Variants in MPP2 observed in about 807,000 individuals in gnomAD.
MPP2 encodes MAGUK p55 subfamily member 2.
A neutral mutation model predicts 58.5 loss-of-function variants in MPP2; 42 were observed. The ratio of observed to expected loss-of-function variants is 0.72; its 90% CI spans 0.56 to 0.93. The LOEUF (loss-of-function observed/expected upper bound fraction) is 0.93. MPP2 is among the 40% of genes least tolerant of loss of function. MPP2 has a pLI of 0.00. For synonymous variants in MPP2, 300 were observed against 307.8 expected (o/e 0.97, Z 0.26); for missense variants, 632 against 760.4 (o/e 0.83, Z 1.99).
At chr17:43,883,171 G>A in intron 4 of MPP2, 32 bp downstream of exon 4, 1 of 1,580,390 alleles carries the variant, frequency 6.3e-7, no homozygotes. Flanking sequence ...CCCACCTCCT[G>A]CTCCCTCACC....
At chr17:43,902,407 G>A (rs1388164529) in intron 2 of MPP2, among the ~76,000 whole-genome samples, 2 of 152,230 alleles carry the variant, frequency 1.3e-5, no homozygotes, top group Non-Finnish European at 2.9e-5. Context: ...CGGCTGGAGA[G>A]GCCATTAAGC....
chr17:43,887,862 T>G (rs1158520772), intron 3 of MPP2, among the ~76,000 whole-genome samples: 1 of 152,050 alleles, frequency 6.6e-6, no homozygotes, highest in African/African-American at 2.4e-5. Context: ...AGAATCCTTT[T>G]CAGTTGAGCC....
chr17:43,881,711 A>G, intron 6 of MPP2, 122 bp from the exon 7 acceptor site: 1 of 1,297,254 alleles, frequency 7.7e-7, no homozygotes, highest in Non-Finnish European at 1.1e-6. Flanking sequence ...CCCCTGCAGG[A>G]GTGATGCCTC....
Position 43,875,580 on chromosome 17 carries a change from C to T in MPP2, c.*2227G>A, listed in dbSNP as rs2046784934. 6.6e-6 allele frequency: 1 copy of T among 152,306 alleles called. No individual in the cohort carries two copies. 9.4% of individuals were successfully genotyped at this position (152,306 alleles called of 1,614,324 possible). On this transcript the variant is annotated 3_prime_UTR_variant, in exon 13 of 13. Coordinates refer to ENST00000269095, the MANE Select transcript of MPP2 (RefSeq NM_005374.5). ...GTCATAGAGCTGTGGTGGGGGCACA[C>T]ACCTGTTCCAACCCAGCCCCAGCCC...
At chr17:43,894,438 TATATATACACACACAC>T (rs1244814996) in intron 3 of MPP2, among the ~76,000 whole-genome samples, 1,578 of 16,778 alleles carry the variant, frequency 0.094, 66 homozygotes, top group African/African-American at 0.23. Context: ...TATATATATA[TATATATACACACACAC>T]ACACACACAA....
At position 43,879,789 on chromosome 17, in the gene MPP2, T is replaced by C; in HGVS notation, c.1346A>G (p.Asn449Ser). The C allele has an allele frequency of 6.2e-7, 1 of 1,609,664 alleles. No individual in the cohort carries two copies. Among genetic ancestry groups the C allele is most frequent in the Non-Finnish European group, 8.5e-7 (1 of 1,177,628 alleles). The part of the protein sequence containing the change: ...AAGKVCVLDV[N>S]PQAVKVLRTA... ...GGAGCAGAGTGGCGGTACCTGGGGG[T>C]TGACATCCAGCACGCACACCTTCCC... is the stretch of plus-strand genomic sequence containing the variant. The change falls in exon 11 of 13, where the codon AAC becomes AGC. Residue 449 changes from asparagine (N) to serine (S), a missense_variant. By Grantham distance (46) the Asn-to-Ser change is conservative. Coordinates refer to ENST00000269095, the MANE Select transcript of MPP2 (RefSeq NM_005374.5). The surrounding 1 kb of genome is among the most constrained non-coding windows in gnomAD (Gnocchi z 4.1).
At chr17:43,888,587 C>G (rs2047466774) in intron 3 of MPP2, among the ~76,000 whole-genome samples, 1 of 152,234 alleles carries the variant, frequency 6.6e-6, no homozygotes, top group Non-Finnish European at 1.5e-5. Flanking sequence ...TTTGGGTTAA[C>G]AGGAGCCAGC....
At position 43,880,077 on chromosome 17, in the gene MPP2, C is replaced by T; in HGVS notation, c.1151-93G>A. On this transcript the variant is annotated intron_variant, in intron 10 of 12. Transcript: ENST00000269095. The surrounding 1 kb of genome is among the most constrained non-coding windows in gnomAD (Gnocchi z 5.2). ...GCACCCCTACCCAGGCCCCCGTTTC[C>T]CAGCCTTGGAGGTGCAGTCTGCTCC... is the stretch of plus-strand genomic sequence containing the variant. The T allele has an allele frequency of 7.8e-7, 1 of 1,282,452 alleles. No homozygotes were observed. Among genetic ancestry groups the T allele is most frequent in the Non-Finnish European group, 1.1e-6 (1 of 911,068 alleles). The allele number at this position is 1,282,452 out of a possible 1,614,324, so 79.4% of individuals were successfully genotyped here.
At position 43,878,586 on chromosome 17, in the gene MPP2, GATCA is replaced by G. The variant is rs2046952378; in HGVS notation, c.1483-607_1483-604del. ...CCAAGGAGGAGGTGCCCAGAATGGG[GATCA>G]GGCAAAGGTCCAGAGCTCCTTAAGG... On this transcript the variant is annotated intron_variant, in intron 12 of 12. Transcript: ENST00000269095. Among the ~76,000 whole-genome samples, 3 of 152,340 alleles carry G rather than the reference GATCA, an allele frequency of 2.0e-5. No individual in the cohort carries two copies. In the South Asian group the frequency reaches 6.2e-4, roughly 32 times the overall value.
intron 2 of MPP2, chr17:43,901,468 G>A (rs924143912): frequency 3.0e-6 from 3 of 985,470 alleles, no homozygotes; most frequent in East Asian, 1.1e-4. Context: ...GCTCCGCTCC[G>A]GTGACCCCAT....
chr17:43,878,056 C>A (rs2046926695), intron 12 of MPP2, 73 bp from the exon 13 acceptor site: 6 of 1,479,824 alleles, frequency 4.1e-6, no homozygotes, highest in Non-Finnish European at 4.6e-6. Context: ...GGAGCTACAG[C>A]TGCCCCCACT....
In MPP2 at chr17:43,898,358, G is replaced by A; in HGVS notation, c.54C>T (p.Asn18=). ...CCGTGGCACTGGGGAGGGATCCCAA[G>A]TTGTCCAGGACTTGCTGCATGGCTG... ...SETAMQQVLD[N]LGSLPSATGA... is the part of the protein sequence containing the mutation. Residue 18 remains asparagine (N), a synonymous_variant, in exon 3 of 13, where the codon AAC becomes AAT. Transcript: ENST00000269095. 1.2e-6 allele frequency: 2 copies of A among 1,614,114 alleles called. No homozygotes were observed. The highest frequency in any genetic ancestry group is 2.2e-5 in the South Asian group (2 of 91,074).
chr17:43,893,186 G>A (rs1427270672), intron 3 of MPP2, among the ~76,000 whole-genome samples: 2 of 152,158 alleles, frequency 1.3e-5, no homozygotes, highest in African/African-American at 2.4e-5. Flanking sequence ...CTCATTCTGA[G>A]ACTCTGCCAT....
intron 2 of MPP2, among the ~76,000 whole-genome samples, chr17:43,902,847 C>T (rs2048149074): frequency 6.6e-6 from 1 of 152,220 alleles, no homozygotes; most frequent in African/African-American, 2.4e-5. Context: ...GCCTCTAGCA[C>T]AGGGAACTTA....
At chr17:43,906,345 C>T (rs1033567117) in intron 1 of MPP2, among the ~76,000 whole-genome samples, 1 of 152,214 alleles carries the variant, frequency 6.6e-6, no homozygotes, top group African/African-American at 2.4e-5. Flanking sequence ...ACGGCAGTGC[C>T]AGGCAAGCTA....
At chr17:43,892,929 C>T (rs760262775) in intron 3 of MPP2, among the ~76,000 whole-genome samples, 17 of 152,194 alleles carry the variant, frequency 1.1e-4, no homozygotes, top group Non-Finnish European at 2.2e-4. Flanking sequence ...TGGCAGTTCA[C>T]TGCCATAACC....
At chr17:43,883,116 T>G in intron 4 of MPP2, 64 bp from the exon 5 acceptor site, 1 of 1,559,714 alleles carries the variant, frequency 6.4e-7, no homozygotes, top group Non-Finnish European at 8.7e-7. Context: ...CCATCCCAGA[T>G]CCAACTTCCT....
chr17:43,885,052 G>A (rs1371915095), intron 3 of MPP2, among the ~76,000 whole-genome samples: 1 of 151,228 alleles, frequency 6.6e-6, no homozygotes, highest in East Asian at 1.9e-4. Context: ...AACCTGGGAG[G>A]TGGAGGTTGC....
At chr17:43,907,568 G>C (rs1034051569), upstream of MPP2, 3 of 985,404 alleles carry the variant, frequency 3.0e-6, no homozygotes, top group African/African-American at 1.7e-5. Context: ...CTCTTAAAGC[G>C]GCAAGGCCTC....
Sources: gnomAD v4.1 joint callset for allele counts (sites outside exome capture counted in the v4.1 genomes callset) on GRCh38, gnomAD v4.1.1 for gene constraint, Gnocchi (gnomAD v3.1) non-coding constraint, MANE v1.5 for transcripts, NCBI Gene and HGNC (gene_info 2026-07-23, HGNC 2026-07-21) for gene names.